The following SNTG2 variants were observed in gnomAD, a reference collection of about 807,000 sequenced individuals.
The protein encoded by SNTG2 is gamma-2-syntrophin.
Under a neutral mutation model 70.9 loss-of-function variants are expected in SNTG2, and 74 were observed. The ratio of observed to expected loss-of-function variants is 1.04; its 90% CI spans 0.86 to 1.27. The LOEUF is 1.27. Ranked by LOEUF, SNTG2 falls within the 50% of genes most tolerant of loss-of-function variation. SNTG2 has a pLI of 0.00. For missense variants in SNTG2, 717 were observed against 690.7 expected, an observed-to-expected ratio of 1.04 and a Z score of -0.43; for synonymous variants, 278 against 273.8, an observed-to-expected ratio of 1.02 and a Z score of -0.15.
chr2:1,302,540 T>TAAAAAAA (rs34803391), intron 14 of SNTG2, among the ~76,000 whole-genome samples: 1 of 68,208 alleles, frequency 1.5e-5, no homozygotes, highest in African/African-American at 4.4e-5. Flanking sequence ...ATTGGAATGC[T>TAAAAAAA]AAAAAAAAAA....
chr2:1,047,719 G>A (rs572949025), intron 1 of SNTG2, among the ~76,000 whole-genome samples: 6 of 152,334 alleles, frequency 3.9e-5, no homozygotes, highest in East Asian at 1.9e-4. Context: ...GCTCAGCCAC[G>A]TGGTTCCTTT....
chr2:1,117,778 C>T (rs902455760), intron 4 of SNTG2, among the ~76,000 whole-genome samples: 6 of 152,214 alleles, frequency 3.9e-5, no homozygotes, highest in African/African-American at 1.4e-4. Context: ...GGCATCTTGC[C>T]ATTCCCGGGT....
chr2:956,395 C>A (rs187253311), intron 1 of SNTG2, among the ~76,000 whole-genome samples: 1 of 152,254 alleles, frequency 6.6e-6, no homozygotes, highest in East Asian at 1.9e-4. Flanking sequence ...GGAGCATAAC[C>A]ACTCACCCCG....
At chr2:1,127,826 A>G (rs1319352412) in intron 4 of SNTG2, among the ~76,000 whole-genome samples, 1 of 152,132 alleles carries the variant, frequency 6.6e-6, no homozygotes, top group African/African-American at 2.4e-5. Flanking sequence ...AACTTTACTG[A>G]ATTCATTTAT....
rs35993482 is a variant in SNTG2, at chr2:1,316,866, G to A, written c.1488+491G>A. On this transcript the variant is annotated intron_variant, in intron 16 of 16. Transcript: ENST00000308624. ...TTGGAGAAGGCTGGGATTCTGGAGC[G>A]TTTAGCATGAGGCCAGCATTGGAGA... 4.2e-3 allele frequency among the ~76,000 whole-genome samples: 105 copies of A among 25,124 alleles called. 2 individuals are homozygous for A. Among genetic ancestry groups the A allele is most frequent in the Admixed American group, 7.5e-3 (14 of 1,856 alleles). The allele number at this position is 25,124 out of a possible 152,430, so 16.5% of individuals were successfully genotyped here. A position where few individuals can be genotyped will look rare whatever the true frequency, so the allele number is the denominator to read the frequency against.
At chr2:1,072,865 G>T (rs1215089738) in intron 1 of SNTG2, among the ~76,000 whole-genome samples, 1 of 152,170 alleles carries the variant, frequency 6.6e-6, no homozygotes. Flanking sequence ...TCGGAAGATG[G>T]TGATTCCAGC....
intron 6 of SNTG2, among the ~76,000 whole-genome samples, chr2:1,152,391 G>C (rs1422426210): frequency 6.6e-6 from 1 of 152,228 alleles, no homozygotes; most frequent in East Asian, 1.9e-4. Context: ...GAGGCCGTGT[G>C]CATGCTGGTG....
intron 2 of SNTG2, among the ~76,000 whole-genome samples, chr2:1,084,825 G>T (rs996605064): frequency 6.6e-6 from 1 of 152,160 alleles, no homozygotes; most frequent in Admixed American, 6.5e-5. Context: ...TGTGTCCTTG[G>T]GTGGCGGGAG....
chr2:1,105,036 G>A (rs1208923765), intron 4 of SNTG2, among the ~76,000 whole-genome samples: 3 of 152,196 alleles, frequency 2.0e-5, no homozygotes, highest in South Asian at 2.1e-4. Flanking sequence ...CACTGGAACC[G>A]GACCCAAGTT....
In SNTG2 at chr2:1,330,561, C is replaced by CA. The variant is rs201135334; in HGVS notation, c.1488+14192dup. Among the ~76,000 whole-genome samples the CA allele has an allele frequency of 8.7e-3, 1,318 of 152,202 alleles. 10 individuals are homozygous for CA. Among genetic ancestry groups the CA allele is most frequent in the Middle Eastern group, 0.051 (15 of 292 alleles). ...TCTTGAGAAGTTAAAGGAAAACTCT[C>CA]AAAAAACCAAAAAATTTAAATCTCT... On this transcript the variant is annotated intron_variant, in intron 16 of 16. Transcript: ENST00000308624.
intron 1 of SNTG2, among the ~76,000 whole-genome samples, chr2:960,747 C>T (rs943112593): frequency 7.4e-5 from 11 of 148,596 alleles, no homozygotes; most frequent in East Asian, 4.0e-4. Context: ...CATGGGAGCA[C>T]GGTGAGCTCT....
chr2:1,166,043 A>G (rs888912540), intron 7 of SNTG2, among the ~76,000 whole-genome samples: 2 of 152,260 alleles, frequency 1.3e-5, no homozygotes, highest in Non-Finnish European at 2.9e-5. Context: ...AGTCCCTGAC[A>G]TATTTTGGCA....
At chr2:1,214,279 T>C (rs546440051) in intron 9 of SNTG2, among the ~76,000 whole-genome samples, 15 of 152,324 alleles carry the variant, frequency 9.8e-5, no homozygotes, top group Non-Finnish European at 1.9e-4. Context: ...TTCTATTTCT[T>C]TGAAAAATAT....
At chr2:1,061,717 T>C (rs1662837370) in intron 1 of SNTG2, among the ~76,000 whole-genome samples, 2 of 152,212 alleles carry the variant, frequency 1.3e-5, no homozygotes, top group Non-Finnish European at 2.9e-5. Context: ...AGGCATCTCA[T>C]GTCTTCTGCC....
chr2:1,361,561 G>C (rs1661146435), intron 16 of SNTG2, among the ~76,000 whole-genome samples: 1 of 152,128 alleles, frequency 6.6e-6, no homozygotes, highest in Admixed American at 6.5e-5. Flanking sequence ...ATGCTGCTGT[G>C]TTGATACCAT....
chr2:1,279,068 T>C (rs1231339666), intron 14 of SNTG2, among the ~76,000 whole-genome samples: 2 of 73,364 alleles, frequency 2.7e-5, no homozygotes, highest in African/African-American at 4.0e-5. Context: ...CCTCTGTCAG[T>C]GCGCGAATGA....
At chr2:955,144 T>A (rs1337913747) in intron 1 of SNTG2, among the ~76,000 whole-genome samples, 1 of 152,256 alleles carries the variant, frequency 6.6e-6, no homozygotes, top group African/African-American at 2.4e-5. Flanking sequence ...TTATCTGTTA[T>A]ACTTTGTAAA....
chr2:1,319,894 C>T (rs1681442656), intron 16 of SNTG2, among the ~76,000 whole-genome samples: 1 of 152,142 alleles, frequency 6.6e-6, no homozygotes, highest in South Asian at 2.1e-4. Flanking sequence ...AAGGAGTCCA[C>T]GGGAATGAAT....
intron 1 of SNTG2, among the ~76,000 whole-genome samples, chr2:1,048,924 A>G (rs1383287548): frequency 1.3e-5 from 2 of 152,212 alleles, no homozygotes; most frequent in African/African-American, 2.4e-5. Flanking sequence ...TGATTAAATC[A>G]TGCTGCACAC....
Sources: gnomAD v4.1 joint callset for allele counts (sites outside exome capture counted in the v4.1 genomes callset) on GRCh38, gnomAD v4.1.1 for gene constraint, MANE v1.5 for transcripts, NCBI Gene and HGNC (gene_info 2026-07-23, HGNC 2026-07-21) for gene names.